The following MFSD6L variants were observed in gnomAD, a reference collection of about 807,000 sequenced individuals.
The protein encoded by MFSD6L is major facilitator superfamily domain-containing protein 6-like.
Under a neutral mutation model 6.4 loss-of-function variants are expected in MFSD6L, and 9 were observed. That is an observed-to-expected ratio of 1.42 (90% CI 0.85 to 2.47). The LOEUF is 2.47. Ranked by LOEUF, MFSD6L falls within the 30% of genes most tolerant of loss-of-function variation. The pLI, the probability that MFSD6L is intolerant of heterozygous loss-of-function variation, is 0.00. For missense variants in MFSD6L, 747 were observed against 730.6 expected (o/e 1.02, Z -0.26); for synonymous variants, 336 against 322.4 (o/e 1.04, Z -0.45).
At position 8,798,543 on chromosome 17, in the gene MFSD6L, C is replaced by T. The variant is rs2087019806; in HGVS notation, c.578G>A (p.Gly193Glu). ...SQALLHPVTS[G>E]LKDHPWEVTF... is the part of the protein sequence containing the mutation. ...AACTTCCCAGGGATGATCTTTCAGC[C>T]CCGAAGTGACAGGATGGAGGAGAGC... Residue 193 changes from glycine to glutamate, a missense_variant, in exon 1 of 1, where the codon GGG becomes GAG. By Grantham distance (98) the Gly-to-Glu change is moderately conservative (BLOSUM62 -2). Transcript: ENST00000329805. 1 of 1,613,876 alleles carries T rather than the reference C, an allele frequency of 6.2e-7. No homozygotes were observed. The highest frequency in any genetic ancestry group is 8.5e-7 in the Non-Finnish European group (1 of 1,179,816).
Position 8,797,904 on chromosome 17 carries a change from G to A in MFSD6L, c.1217C>T (p.Ser406Leu), listed in dbSNP as rs140109819. The A allele has an allele frequency of 1.4e-4, 230 of 1,614,042 alleles. No homozygotes were observed. The Middle Eastern group carries it at 1.6e-3, about 12-fold the overall frequency. ...HGSGELVMGFSVALSLLGEIL... is the reference protein window; with the variant it reads ...HGSGELVMGFLVALSLLGEIL... ...TTCCCCCAGCAAGCTGAGGGCGACCGAGAAACCCATGACCAGCTCGCCGCT... is the reference window on the plus strand; with the variant it reads ...TTCCCCCAGCAAGCTGAGGGCGACCAAGAAACCCATGACCAGCTCGCCGCT... Residue 406 changes from serine to leucine, a missense_variant, in exon 1 of 1, where the codon TCG becomes TTG. Physicochemically the swap from Ser to Leu is moderately radical, Grantham distance 145 (BLOSUM62 -2). Transcript: ENST00000329805.
In MFSD6L at chr17:8,797,524, G is replaced by T. The variant is rs1458600899; in HGVS notation, c.1597C>A (p.Leu533Ile). 5 of 1,614,054 alleles carry T rather than the reference G, an allele frequency of 3.1e-6. No homozygotes were observed. Among genetic ancestry groups the T allele is most frequent in the Non-Finnish European group, 3.4e-6 (4 of 1,179,968 alleles). The change falls in exon 1 of 1, where the codon CTC becomes ATC. Residue 533 changes from leucine to isoleucine, a missense_variant. Transcript: ENST00000329805. ...LYQACCVALL[L>I]WLALLLSIQR... ...ATGGACAGGAGCAAGGCCAACCAGA[G>T]CAACAGGGCCACACAGCAGGCCTGG...
At position 8,798,878 on chromosome 17, in the gene MFSD6L, G is replaced by A. The variant is rs1370639714; in HGVS notation, c.243C>T (p.Ile81=). The A allele has an allele frequency of 6.2e-7, 1 of 1,614,026 alleles. No homozygotes were observed. Among genetic ancestry groups the A allele is most frequent in the Non-Finnish European group, 8.5e-7 (1 of 1,180,012 alleles). Residue 81 remains isoleucine (I), a synonymous_variant, in exon 1 of 1, where the codon ATC becomes ATT. Transcript: ENST00000329805. ...KSYRKRRALL[I]GSLLGSVGAS... ...CCCCCACCGAGCCGAGCAGGGAGCCGATCAGAAGCGCTCTCCTTTTCCGGT... is the reference window on the plus strand; with the variant it reads ...CCCCCACCGAGCCGAGCAGGGAGCCAATCAGAAGCGCTCTCCTTTTCCGGT...
In MFSD6L at chr17:8,797,827, C is replaced by G; in HGVS notation, c.1294G>C (p.Gly432Arg). ...ATLLRKLSRT[G>R]LVGLGLSCLA... ...CAGCTCAGCCCCAGCCCCACCAGGCCCGTCCTGGACAGTTTCCTAAGCAAT... is the reference window on the plus strand; with the variant it reads ...CAGCTCAGCCCCAGCCCCACCAGGCGCGTCCTGGACAGTTTCCTAAGCAAT... Residue 432 changes from glycine (G) to arginine (R), a missense_variant, in exon 1 of 1, where the codon GGC (glycine) becomes CGC (arginine). Transcript: ENST00000329805. The G allele has an allele frequency of 6.2e-7, 1 of 1,614,026 alleles. No homozygotes were observed. Among genetic ancestry groups the G allele is most frequent in the Non-Finnish European group, 8.5e-7 (1 of 1,180,022 alleles).
At position 8,798,861 on chromosome 17, in the gene MFSD6L, G is replaced by C. The variant is rs763589577; in HGVS notation, c.260C>G (p.Ser87Trp). Residue 87 changes from serine to tryptophan, a missense_variant, in exon 1 of 1, where the codon TCG (serine) becomes TGG (tryptophan). Transcript: ENST00000329805. ...GACCATCAGCAGGCTGGCCCCCACC[G>C]AGCCGAGCAGGGAGCCGATCAGAAG... is the stretch of plus-strand genomic sequence containing the variant. ...RALLIGSLLGSVGASLLMVLV... is the reference protein window; with the variant it reads ...RALLIGSLLGWVGASLLMVLV... The C allele has an allele frequency of 4.3e-6, 7 of 1,613,880 alleles. No individual in the cohort carries two copies. Among genetic ancestry groups the C allele is most frequent in the African/African-American group, 1.3e-5 (1 of 74,926 alleles).
In MFSD6L at chr17:8,797,345, G is replaced by T; in HGVS notation, c.*15C>A. 6.5e-7 allele frequency: 1 copy of T among 1,539,030 alleles called. No individual in the cohort carries two copies. Among genetic ancestry groups the T allele is most frequent in the South Asian group, 1.3e-5 (1 of 78,394 alleles). On this transcript the variant is annotated 3_prime_UTR_variant, in exon 1 of 1. Coordinates refer to ENST00000329805, the MANE Select transcript of MFSD6L (RefSeq NM_152599.4). ...TTCCTTGCTGGATCAGCACACTCTG[G>T]ATTTCTCAGCCCTTTCAGTCTGAGT...
Position 8,798,362 on chromosome 17 carries a change from C to T in MFSD6L, c.759G>A (p.Val253=). 6.2e-7 allele frequency: 1 copy of T among 1,612,338 alleles called. No homozygotes were observed. Among genetic ancestry groups the T allele is most frequent in the East Asian group, 2.2e-5 (1 of 44,888 alleles). Residue 253 remains valine (V), a synonymous_variant, in exon 1 of 1, where the codon GTG becomes GTA. Transcript: ENST00000329805. ...RRTFILSLGS[V]AFWELLTAPL... ...GCGCTGTCAGCAGCTCCCAGAACGC[C>T]ACGGACCCCAAGGAGAGGATAAAAG...
At position 8,797,548 on chromosome 17, in the gene MFSD6L, G is replaced by C. The variant is rs2087008597; in HGVS notation, c.1573C>G (p.Gln525Glu). The change falls in exon 1 of 1, where the codon CAG becomes GAG. Residue 525 changes from glutamine (Q) to glutamate (E), a missense_variant. Transcript: ENST00000329805. ...AGCAACAGGGCCACACAGCAGGCCT[G>C]GTAGAGCACAGCCAGGCTGAAGCGC... ...VMRFSLAVLY[Q>E]ACCVALLLWL... The C allele has an allele frequency of 3.1e-6, 5 of 1,613,818 alleles. No individual in the cohort carries two copies. The highest frequency in any genetic ancestry group is 3.4e-6 in the Non-Finnish European group (4 of 1,179,844).
chr17:8,797,431 T>C lies in MFSD6L; in HGVS notation c.1690A>G (p.Thr564Ala). Residue 564 changes from threonine (T) to alanine (A), a missense_variant, in exon 1 of 1, where the codon ACC becomes GCC. Coordinates refer to ENST00000329805, the MANE Select transcript of MFSD6L (RefSeq NM_152599.4). Reference sequence around the variant, plus strand: ...TCTGTCCCCTGCTCAGAGTCACTGGTGTCACTCACCTCCATGGACAGCAGC... The same window carrying C: ...TCTGTCCCCTGCTCAGAGTCACTGGCGTCACTCACCTCCATGGACAGCAGC... Reference protein sequence around the residue: ...SKLLSMEVSDTSDSEQGTEQD... With the variant: ...SKLLSMEVSDASDSEQGTEQD... The C allele has an allele frequency of 6.2e-7, 1 of 1,612,518 alleles. No individual in the cohort carries two copies. The highest frequency in any genetic ancestry group is 1.3e-5 in the African/African-American group (1 of 75,040).
Position 8,797,617 on chromosome 17 carries a change from T to C in MFSD6L, c.1504A>G (p.Ser502Gly), listed in dbSNP as rs1475142375. 6.2e-7 allele frequency: 1 copy of C among 1,613,300 alleles called. No homozygotes were observed. The highest frequency in any genetic ancestry group is 1.1e-5 in the South Asian group (1 of 91,066). ...SALFRGHFYG[S>G]GCSLGSFVGG... Reference sequence around the variant, plus strand: ...ACAAAGCTGCCCAGGCTACAGCCACTCCCGTAAAAGTGGCCTCGGAACAAG... The same window carrying C: ...ACAAAGCTGCCCAGGCTACAGCCACCCCCGTAAAAGTGGCCTCGGAACAAG... Residue 502 changes from serine (S) to glycine (G), a missense_variant, in exon 1 of 1, where the codon AGT (serine) becomes GGT (glycine). By Grantham distance (56) the Ser-to-Gly change is moderately conservative (BLOSUM62 0). Transcript: ENST00000329805.
chr17:8,799,247 GGTCT>G lies in MFSD6L; in HGVS notation c.-131_-128del. On this transcript the variant is annotated 5_prime_UTR_variant, in exon 1 of 1. Coordinates refer to ENST00000329805, the MANE Select transcript of MFSD6L (RefSeq NM_152599.4). This position sits in a 1 kb window ranked among gnomAD's most constrained non-coding sequence, Gnocchi z 5.3. Reference sequence around the variant, plus strand: ...TCGGAGCGAGTGGGACTGCGCCCCCGGTCTGGGGCGGCGCCGCGGTCACCAGGTC... The same window carrying G: ...TCGGAGCGAGTGGGACTGCGCCCCCGGGGGCGGCGCCGCGGTCACCAGGTC... 1 of 771,776 alleles carries G rather than the reference GGTCT, an allele frequency of 1.3e-6. No individual in the cohort carries two copies. Among genetic ancestry groups the G allele is most frequent in the Non-Finnish European group, 1.9e-6 (1 of 536,416 alleles). 47.8% of individuals were successfully genotyped at this position (771,776 alleles called of 1,614,324 possible).
Position 8,798,620 on chromosome 17 carries a change from A to G in MFSD6L, c.501T>C (p.Asp167=). The change falls in exon 1 of 1, where the codon GAT becomes GAC. Residue 167 remains aspartate, a synonymous_variant. Coordinates refer to ENST00000329805, the MANE Select transcript of MFSD6L (RefSeq NM_152599.4). The part of the protein sequence containing the change: ...PGESDRETFR[D]LHVYLAPSVE... ...CGGAGGGCGCTAAGTAGACGTGCAG[A>G]TCACGGAAAGTTTCTCGGTCACTTT... The G allele has an allele frequency of 6.2e-7, 1 of 1,614,168 alleles. No homozygotes were observed. Among genetic ancestry groups the G allele is most frequent in the South Asian group, 1.1e-5 (1 of 91,082 alleles).
rs374041366 is a variant in MFSD6L, at chr17:8,798,133, C to T, written c.988G>A (p.Val330Ile). The change falls in exon 1 of 1, where the codon GTC becomes ATC. Residue 330 changes from valine to isoleucine, a missense_variant. Coordinates refer to ENST00000329805, the MANE Select transcript of MFSD6L (RefSeq NM_152599.4). The stretch of plus-strand genomic sequence containing the variant: ...CTCACCAGTAAGGCCAGGGTGCTGA[C>T]CACCGAGTACCCATAGAAGTGGACC... The part of the protein sequence containing the change: ...GVVHFYGYSV[V>I]STLALLVSIA... The T allele has an allele frequency of 3.1e-4, 503 of 1,613,730 alleles. 1 individual carries two copies. The highest frequency in any genetic ancestry group is 4.0e-4 in the Admixed American group (24 of 59,994).
Position 8,798,832 on chromosome 17 carries a change from C to T in MFSD6L, c.289G>A (p.Val97Ile). The T allele has an allele frequency of 6.2e-7, 1 of 1,614,056 alleles. No homozygotes were observed. Reference sequence around the variant, plus strand: ...ACCCGATTTTTGTCTACCGGTGGGACCAGGACCATCAGCAGGCTGGCCCCC... The same window carrying T: ...ACCCGATTTTTGTCTACCGGTGGGATCAGGACCATCAGCAGGCTGGCCCCC... ...SVGASLLMVL[V>I]PPVDKNRVHF... Residue 97 changes from valine (V) to isoleucine (I), a missense_variant, in exon 1 of 1, where the codon GTC becomes ATC. Transcript: ENST00000329805.
At position 8,799,049 on chromosome 17, in the gene MFSD6L, C is replaced by A; in HGVS notation, c.72G>T (p.Gly24=). The A allele has an allele frequency of 3.1e-6, 5 of 1,610,178 alleles. No homozygotes were observed. The highest frequency in any genetic ancestry group is 4.2e-6 in the Non-Finnish European group (5 of 1,178,416). ...GVAKLFHLVC[G]VREACVTPFL... is the part of the protein sequence containing the mutation. ...ACGGGGTCACGCAGGCTTCCCGCACCCCGCACACCAGGTGGAAGAGCTTGG... is the reference window on the plus strand; with the variant it reads ...ACGGGGTCACGCAGGCTTCCCGCACACCGCACACCAGGTGGAAGAGCTTGG... Residue 24 remains glycine (G), a synonymous_variant, in exon 1 of 1, where the codon GGG becomes GGT. Transcript: ENST00000329805. This position sits in a 1 kb window ranked among gnomAD's most constrained non-coding sequence, Gnocchi z 5.3.
rs2087026218 is a variant in MFSD6L at position 8,799,285 on chromosome 17, C to A, written c.-165G>T. 1.8e-5 allele frequency: 9 copies of A among 510,780 alleles called. No homozygotes were observed. The highest frequency in any genetic ancestry group is 1.9e-5 in the Non-Finnish European group (6 of 315,036). 31.6% of individuals were successfully genotyped at this position (510,780 alleles called of 1,614,324 possible). A position where few individuals can be genotyped will look rare whatever the true frequency, so the allele number is the denominator to read the frequency against. On this transcript the variant is annotated 5_prime_UTR_variant, in exon 1 of 1. Coordinates refer to ENST00000329805, the MANE Select transcript of MFSD6L (RefSeq NM_152599.4). This position sits in a 1 kb window ranked among gnomAD's most constrained non-coding sequence, Gnocchi z 5.3. ...GCCGCGGTCACCAGGTCAACGGCCGCCCCCGGCCACAGCCCCCAGGTCCTG... is the reference window on the plus strand; with the variant it reads ...GCCGCGGTCACCAGGTCAACGGCCGACCCCGGCCACAGCCCCCAGGTCCTG...
chr17:8,799,303 A>G lies in MFSD6L; in HGVS notation c.-183T>C, dbSNP rs2087026422. On this transcript the variant is annotated 5_prime_UTR_variant, in exon 1 of 1. Transcript: ENST00000329805. This position sits in a 1 kb window ranked among gnomAD's most constrained non-coding sequence, Gnocchi z 5.3. The stretch of plus-strand genomic sequence containing the variant: ...ACGGCCGCCCCCGGCCACAGCCCCC[A>G]GGTCCTGCCGTTGGACCGAAAGGGG... 2 of 456,282 alleles carry G rather than the reference A, an allele frequency of 4.4e-6. No individual in the cohort carries two copies. The highest frequency in any genetic ancestry group is 7.3e-6 in the Non-Finnish European group (2 of 273,356). The allele number at this position is 456,282 out of a possible 1,614,324, so 28.3% of individuals were successfully genotyped here.
rs377558334 is a variant in MFSD6L at position 8,798,763 on chromosome 17, C to T, written c.358G>A (p.Ala120Thr). ...NGSSGLTSTD[A>T]LPGVTLPVNI... ...ACAGGTAGCGTGACCCCCGGGAGTG[C>T]GTCTGTGCTGGTCAGGCCGCTGCTT... The change falls in exon 1 of 1, where the codon GCA becomes ACA. Residue 120 changes from alanine (A) to threonine (T), a missense_variant. Physicochemically the swap from Ala to Thr is moderately conservative, Grantham distance 58. Coordinates refer to ENST00000329805, the MANE Select transcript of MFSD6L (RefSeq NM_152599.4). The T allele has an allele frequency of 3.1e-6, 5 of 1,613,874 alleles. No homozygotes were observed. The African/African-American group carries it at 4.0e-5, about 13-fold the overall frequency.
Position 8,798,993 on chromosome 17 carries a change from AAGCCCAGCTGCCTCAGGTAAAGGGTC to A in MFSD6L, c.102_127del (p.Thr35GlyfsTer67), listed in dbSNP as rs1431734588. 1 of 1,613,734 alleles carries A rather than the reference AAGCCCAGCTGCCTCAGGTAAAGGGTC, an allele frequency of 6.2e-7. No individual in the cohort carries two copies. Among genetic ancestry groups the A allele is most frequent in the East Asian group, 2.2e-5 (1 of 44,868 alleles). On this transcript the variant is annotated frameshift_variant, in exon 1 of 1. Transcript: ENST00000329805. LOFTEE classifies it low-confidence loss of function (END_TRUNC). ...TAGGGTGCCCACCCAGGGCGCGGCC[AAGCCCAGCTGCCTCAGGTAAAGGGTC>A]AGGAACGGGGTCACGCAGGCTTCCC... is the stretch of plus-strand genomic sequence containing the variant.
Sources: gnomAD v4.1 joint callset for allele counts on GRCh38, gnomAD v4.1.1 for gene constraint, Gnocchi (gnomAD v3.1) non-coding constraint, MANE v1.5 for transcripts, NCBI Gene and HGNC (gene_info 2026-07-23, HGNC 2026-07-21) for gene names.